Variants in TTLL11 observed in about 807,000 individuals in gnomAD.
TTLL11 encodes the protein tubulin polyglutamylase TTLL11.
In TTLL11, 42 loss-of-function variants were observed where a neutral mutation model predicts 51.7. The ratio of observed to expected loss-of-function variants is 0.81; its 90% confidence interval spans 0.64 to 1.05. TTLL11 has a LOEUF of 1.05. TTLL11 is among the 50% of genes least tolerant of loss of function. The probability of loss-of-function intolerance (pLI) is 0.00; values close to 1 mark genes in which losing one functional copy is unlikely to be tolerated. For missense variants in TTLL11, 799 were observed against 940.4 expected, an observed-to-expected ratio of 0.85 and a Z score of 1.97; for synonymous variants, 381 against 383.5, an observed-to-expected ratio of 0.99 and a Z score of 0.08.
At chr9:121,840,121 G>A (rs926247569) in intron 8 of TTLL11, among the ~76,000 whole-genome samples, 3 of 152,154 alleles carry the variant, frequency 2.0e-5, no homozygotes, top group African/African-American at 7.2e-5. Context: ...CATGCAAATT[G>A]CCTTCTTTAC....
intron 1 of TTLL11, among the ~76,000 whole-genome samples, chr9:122,075,855 G>A (rs925551283): frequency 5.3e-5 from 8 of 152,106 alleles, no homozygotes; most frequent in Non-Finnish European, 7.4e-5. Flanking sequence ...ACTGGGCTTC[G>A]CAATGCCAGA....
chr9:122,000,669 G>A lies in TTLL11; in HGVS notation c.694-10899C>T, dbSNP rs115412715. 3.0e-3 allele frequency among the ~76,000 whole-genome samples: 459 copies of A among 152,176 alleles called. 6 individuals are homozygous for A. Among genetic ancestry groups the A allele is most frequent in the African/African-American group, 0.011 (444 of 41,508 alleles). On this transcript the variant is annotated intron_variant, in intron 3 of 8. Coordinates refer to ENST00000321582, the MANE Select transcript of TTLL11 (RefSeq NM_001139442.2). ...AAGTTACACTATATGGTCTAAAAAT[G>A]GAGGCATGAATAATCCACCCTTTGT... is the stretch of plus-strand genomic sequence containing the variant.
intron 1 of TTLL11, among the ~76,000 whole-genome samples, chr9:122,073,766 T>C (rs1421860295): frequency 6.6e-6 from 1 of 152,204 alleles, no homozygotes; most frequent in Admixed American, 6.5e-5. Context: ...AAAAAGGCCA[T>C]GGCCCTTACT....
At chr9:121,863,510 T>C (rs1475349745) in intron 7 of TTLL11, among the ~76,000 whole-genome samples, 2 of 152,184 alleles carry the variant, frequency 1.3e-5, no homozygotes, top group East Asian at 1.9e-4. Context: ...GTCAAACCTT[T>C]AGCAGGAGCC....
At chr9:122,032,605 G>A (rs1035571180) in intron 2 of TTLL11, among the ~76,000 whole-genome samples, 5 of 149,190 alleles carry the variant, frequency 3.4e-5, no homozygotes, top group African/African-American at 1.2e-4. Context: ...CCAAGATCGA[G>A]CCACTGCACT....
chr9:121,944,663 G>A (rs920807075), intron 6 of TTLL11, among the ~76,000 whole-genome samples: 8 of 151,974 alleles, frequency 5.3e-5, no homozygotes, highest in Admixed American at 2.6e-4. Context: ...GTCATAAAGC[G>A]TGGTCCATTG....
chr9:122,068,789 T>C (rs961160366), intron 1 of TTLL11, among the ~76,000 whole-genome samples: 10 of 152,234 alleles, frequency 6.6e-5, no homozygotes, highest in African/African-American at 1.9e-4. Flanking sequence ...CCAGTCTCCC[T>C]GGCACTTGGG....
chr9:121,874,778 A>G (rs1456066879), intron 6 of TTLL11, among the ~76,000 whole-genome samples: 9 of 144,688 alleles, frequency 6.2e-5, no homozygotes, highest in Non-Finnish European at 1.5e-5. Context: ...TTTTTTTGAG[A>G]CAGAGACTTG....
At chr9:121,972,675 A>C (rs1842607541) in intron 6 of TTLL11, among the ~76,000 whole-genome samples, 2 of 152,268 alleles carry the variant, frequency 1.3e-5, no homozygotes, top group African/African-American at 4.8e-5. Flanking sequence ...AGTGGCACTC[A>C]GCCTTGGCTG....
intron 6 of TTLL11, among the ~76,000 whole-genome samples, chr9:121,953,974 T>A (rs1841939846): frequency 6.6e-6 from 1 of 152,166 alleles, no homozygotes; most frequent in Non-Finnish European, 1.5e-5. Flanking sequence ...TCCTCAGTAG[T>A]CAAGCCCAAG....
Position 122,012,039 on chromosome 9 carries a change from A to C in TTLL11, c.693+19684T>G, listed in dbSNP as rs569289728. Among the ~76,000 whole-genome samples the C allele has an allele frequency of 3.3e-5, 5 of 152,312 alleles. No individual in the cohort carries two copies. The East Asian group carries it at 9.6e-4, about 29-fold the overall frequency. ...ATCACCTTTCTAAATTCAAATCTCT[A>C]CTTTGCTTTGCCTTTCATTAGAACC... is the stretch of plus-strand genomic sequence containing the variant. On this transcript the variant is annotated intron_variant, in intron 3 of 8. Transcript: ENST00000321582.
At chr9:122,045,549 G>A (rs949859757) in intron 1 of TTLL11, among the ~76,000 whole-genome samples, 2 of 151,628 alleles carry the variant, frequency 1.3e-5, no homozygotes, top group Non-Finnish European at 2.9e-5. Context: ...AGACTCCATC[G>A]CAAAAAAAAG....
At chr9:122,026,458 G>A (rs958094537) in intron 3 of TTLL11, among the ~76,000 whole-genome samples, 1 of 150,934 alleles carries the variant, frequency 6.6e-6, no homozygotes, top group African/African-American at 2.4e-5. Context: ...AAAAAAAGAA[G>A]GGAAGGACAG....
At chr9:122,066,405 A>T (rs1243098872) in intron 1 of TTLL11, among the ~76,000 whole-genome samples, 1 of 152,156 alleles carries the variant, frequency 6.6e-6, no homozygotes, top group Non-Finnish European at 1.5e-5. Context: ...GGACAAAAAA[A>T]AATCACTGAG....
intron 6 of TTLL11, among the ~76,000 whole-genome samples, chr9:121,970,164 CA>C (rs1805348783): frequency 6.6e-6 from 1 of 152,126 alleles, no homozygotes; most frequent in South Asian, 2.1e-4. Flanking sequence ...TCCTGGTTAT[CA>C]ATAAAAAAGT....
At chr9:121,968,716 C>T (rs756193794) in intron 6 of TTLL11, among the ~76,000 whole-genome samples, 6 of 151,812 alleles carry the variant, frequency 4.0e-5, no homozygotes, top group Non-Finnish European at 8.8e-5. Context: ...ACCACCATGC[C>T]TGGCTAATTT....
chr9:121,858,768 T>G (rs1334106953), intron 8 of TTLL11, among the ~76,000 whole-genome samples: 1 of 152,230 alleles, frequency 6.6e-6, no homozygotes, highest in African/African-American at 2.4e-5. Context: ...GAGCAGGGAT[T>G]GTTGGCGCCA....
intron 8 of TTLL11, among the ~76,000 whole-genome samples, chr9:121,856,506 T>A (rs1000006713): frequency 1.3e-5 from 2 of 152,210 alleles, no homozygotes; most frequent in African/African-American, 4.8e-5. Context: ...TTAGCAAGCA[T>A]TTTTTATTTT....
At chr9:121,836,122 G>A (rs1211152668) in intron 8 of TTLL11, among the ~76,000 whole-genome samples, 1 of 152,184 alleles carries the variant, frequency 6.6e-6, no homozygotes, top group Non-Finnish European at 1.5e-5. Context: ...ACAAAATCTG[G>A]ATGGTAGATG....
Sources: allele counts gnomAD v4.1 joint callset (sites outside exome capture counted in the v4.1 genomes callset), GRCh38; gene constraint gnomAD v4.1.1; transcripts MANE v1.5; gene names NCBI Gene and HGNC (gene_info 2026-07-23, HGNC 2026-07-21).